The following AGBL4 variants were observed in gnomAD, a reference collection of about 807,000 sequenced individuals.
AGBL4 encodes the protein AGBL carboxypeptidase 4, also known as cytosolic carboxypeptidase 6.
In AGBL4, 58 loss-of-function variants were observed where a neutral mutation model predicts 66.4. The ratio of observed to expected loss-of-function variants is 0.87; its 90% CI spans 0.71 to 1.09. The LOEUF (loss-of-function observed/expected upper bound fraction) is 1.09. Among genes scored for constraint, AGBL4 ranks in the 50% least tolerant of loss-of-function variants. AGBL4 has a pLI of 0.00. For missense variants in AGBL4, 579 were observed against 631.0 expected (o/e 0.92, Z 0.88); for synonymous variants, 234 against 222.9 (o/e 1.05, Z -0.44).
intron 2 of AGBL4, among the ~76,000 whole-genome samples, chr1:49,772,397 G>A (rs1571534350): frequency 2.0e-5 from 3 of 152,090 alleles, no homozygotes; most frequent in African/African-American, 7.2e-5. Flanking sequence ...GAGGTTTGAA[G>A]GATTTACATA....
intron 10 of AGBL4, among the ~76,000 whole-genome samples, chr1:48,589,493 T>A (rs1253735153): frequency 1.3e-5 from 2 of 151,890 alleles, no homozygotes; most frequent in Non-Finnish European, 2.9e-5. Flanking sequence ...AGATTTAGTA[T>A]CAAAACAAAG....
intron 3 of AGBL4, among the ~76,000 whole-genome samples, chr1:49,263,715 A>T (rs1043624880): frequency 6.6e-6 from 1 of 152,172 alleles, no homozygotes; most frequent in Non-Finnish European, 1.5e-5. Flanking sequence ...AAAATAGAAG[A>T]GCCTCTTTAG....
At chr1:49,530,379 G>A (rs1033227810) in intron 3 of AGBL4, among the ~76,000 whole-genome samples, 5 of 150,896 alleles carry the variant, frequency 3.3e-5, no homozygotes, top group Admixed American at 6.6e-5. Context: ...CCATGTTGGT[G>A]TGCTGCACCC....
chr1:48,835,818 G>A (rs1358961966), intron 6 of AGBL4, among the ~76,000 whole-genome samples: 1 of 152,110 alleles, frequency 6.6e-6, no homozygotes, highest in Non-Finnish European at 1.5e-5. Flanking sequence ...TCCCAGCAGA[G>A]GGAATATCAT....
At chr1:48,619,449 T>C (rs1044552672) in intron 9 of AGBL4, among the ~76,000 whole-genome samples, 1 of 152,096 alleles carries the variant, frequency 6.6e-6, no homozygotes, top group African/African-American at 2.4e-5. Flanking sequence ...TTTCTAGAGG[T>C]TGTTATATGG....
chr1:49,719,245 C>T (rs1203757762), intron 2 of AGBL4, among the ~76,000 whole-genome samples: 2 of 152,150 alleles, frequency 1.3e-5, no homozygotes, highest in African/African-American at 4.8e-5. Flanking sequence ...CTTTCCCATC[C>T]TACTCAGTCT....
chr1:48,532,271 A>C (rs1643910503), downstream of AGBL4, among the ~76,000 whole-genome samples: 1 of 152,202 alleles, frequency 6.6e-6, no homozygotes, highest in African/African-American at 2.4e-5. Flanking sequence ...TATTATAACA[A>C]GGTAGATATT....
At chr1:49,907,615 G>T (rs1016896376) in intron 1 of AGBL4, among the ~76,000 whole-genome samples, 56 of 152,104 alleles carry the variant, frequency 3.7e-4, no homozygotes, top group Non-Finnish European at 2.2e-4. Flanking sequence ...TCTGGAAAAG[G>T]AAAAACTATA....
chr1:49,948,017 A>AAT (rs1240822385), intron 1 of AGBL4, among the ~76,000 whole-genome samples: 1 of 22,022 alleles, frequency 4.5e-5, no homozygotes, highest in East Asian at 5.4e-4. Flanking sequence ...TAAATATATA[A>AAT]ATATATATAA....
chr1:48,764,051 G>C (rs1204703891), intron 6 of AGBL4, among the ~76,000 whole-genome samples: 1 of 152,034 alleles, frequency 6.6e-6, no homozygotes, highest in Non-Finnish European at 1.5e-5. Context: ...CTGGCCCGGG[G>C]GACACAGATG....
chr1:49,294,209 A>G (rs997511207), intron 3 of AGBL4, among the ~76,000 whole-genome samples: 1 of 152,238 alleles, frequency 6.6e-6, no homozygotes, highest in African/African-American at 2.4e-5. Flanking sequence ...AATGGTATGT[A>G]ACTCCCAATG....
chr1:49,979,046 T>C lies in AGBL4; in HGVS notation c.34+44717A>G, dbSNP rs115636699. Reference sequence around the variant, plus strand: ...TGAACAATGTGGCCTAGAATATTTTTTAAATTAAGAAAAAGTTAGGTATGC... The same window carrying C: ...TGAACAATGTGGCCTAGAATATTTTCTAAATTAAGAAAAAGTTAGGTATGC... On this transcript the variant is annotated intron_variant, in intron 1 of 13. Transcript: ENST00000371839. Among the ~76,000 whole-genome samples the C allele has an allele frequency of 9.5e-3, 1,449 of 152,300 alleles. 11 individuals are homozygous for C. The highest frequency in any genetic ancestry group is 0.014 in the Non-Finnish European group (970 of 68,024).
intron 8 of AGBL4, among the ~76,000 whole-genome samples, chr1:48,648,484 A>G (rs1302179689): frequency 6.6e-6 from 1 of 152,224 alleles, no homozygotes; most frequent in Non-Finnish European, 1.5e-5. Context: ...GAAATAGGCC[A>G]GGCGAGAGAA....
At chr1:48,972,611 T>C (rs76388832) in intron 5 of AGBL4, among the ~76,000 whole-genome samples, 1,731 of 152,292 alleles carry the variant, frequency 0.011, 30 homozygotes, top group African/African-American at 0.04. Flanking sequence ...CTGATTCATA[T>C]ATCTCTACTT....
At chr1:49,378,972 T>C (rs568475233) in intron 3 of AGBL4, among the ~76,000 whole-genome samples, 28 of 152,146 alleles carry the variant, frequency 1.8e-4, no homozygotes, top group South Asian at 4.1e-4. Flanking sequence ...CAGCACATCA[T>C]TGTGGCCACC....
At position 48,739,151 on chromosome 1, in the gene AGBL4, C is replaced by T. The variant is rs182480497; in HGVS notation, c.635-75910G>A. Among the ~76,000 whole-genome samples, 5 of 152,348 alleles carry T rather than the reference C, an allele frequency of 3.3e-5. No homozygotes were observed. In the East Asian group the frequency reaches 9.6e-4, roughly 29 times the overall value. On this transcript the variant is annotated intron_variant, in intron 6 of 13. Transcript: ENST00000371839. Reference sequence around the variant, plus strand: ...TCTGCCTGGCTACTTCCCACACCAGCTCCCAGTGCAGTTCACCACTGCAGA... The same window carrying T: ...TCTGCCTGGCTACTTCCCACACCAGTTCCCAGTGCAGTTCACCACTGCAGA...
At chr1:49,739,830 TC>T (rs1307018619) in intron 2 of AGBL4, among the ~76,000 whole-genome samples, 6 of 151,964 alleles carry the variant, frequency 3.9e-5, no homozygotes, top group African/African-American at 1.5e-4. Flanking sequence ...AAAAATAAAA[TC>T]CTTCACAGAC....
intron 1 of AGBL4, among the ~76,000 whole-genome samples, chr1:49,962,693 C>CTA (rs1168059711): frequency 1.3e-5 from 2 of 152,094 alleles, no homozygotes; most frequent in African/African-American, 4.8e-5. Flanking sequence ...AATTCATAGC[C>CTA]TAGGGGCTCA....
chr1:49,338,620 A>G (rs188060403), intron 3 of AGBL4, among the ~76,000 whole-genome samples: 13 of 152,362 alleles, frequency 8.5e-5, no homozygotes, highest in East Asian at 1.9e-4. Flanking sequence ...AGGCTGGTCC[A>G]TATCTGTGAA....
Sources: gnomAD v4.1 joint callset for allele counts (sites outside exome capture counted in the v4.1 genomes callset) on GRCh38, gnomAD v4.1.1 for gene constraint, MANE v1.5 for transcripts, NCBI Gene and HGNC (gene_info 2026-07-23, HGNC 2026-07-21) for gene names.